Variants in FBXW12 observed in about 807,000 individuals in gnomAD.
The protein encoded by FBXW12 is F-box and WD repeat domain containing 12.
In FBXW12, 43 loss-of-function variants were observed where a neutral mutation model predicts 55.3. The observed-to-expected ratio is 0.78, with a 90% CI of 0.61 to 1.00. The LOEUF (loss-of-function observed/expected upper bound fraction) is 1.00, where lower values mean the gene tolerates loss of function less well. FBXW12 is among the 50% of genes least tolerant of loss of function. The probability of loss-of-function intolerance (pLI) is 0.00; values close to 1 mark genes in which losing one functional copy is unlikely to be tolerated. For missense variants in FBXW12, 524 were observed against 560.5 expected (o/e 0.93, Z 0.66); for synonymous variants, 184 against 203.8 (o/e 0.90, Z 0.83).
chr3:48,378,266 A>G, intron 5 of FBXW12, 51 bp from the exon 6 acceptor site: 1 of 1,362,574 alleles, frequency 7.3e-7, no homozygotes, highest in Non-Finnish European at 1.0e-6. Flanking sequence ...ATGAAAGCAC[A>G]GTAGGTGTAA....
intron 2 of FBXW12, among the ~76,000 whole-genome samples, chr3:48,373,067 G>A (rs1275490314): frequency 6.6e-6 from 1 of 152,156 alleles, no homozygotes; most frequent in East Asian, 1.9e-4. Flanking sequence ...CCCATTTCAA[G>A]CCCTAGGAAA....
intron 1 of FBXW12, 153 bp from the exon 2 acceptor site, chr3:48,372,531 C>A: frequency 9.7e-7 from 1 of 1,027,570 alleles, no homozygotes; most frequent in Non-Finnish European, 1.4e-6. Context: ...AAACAATGAA[C>A]AGCACTAACA....
At chr3:48,394,059 G>A (rs1442353223) in intron 10 of FBXW12, among the ~76,000 whole-genome samples, 1 of 151,982 alleles carries the variant, frequency 6.6e-6, no homozygotes, top group Non-Finnish European at 1.5e-5. Context: ...TTACAGGCGT[G>A]AGCCACCGTG....
At chr3:48,385,938 C>G (rs2036842106) in intron 10 of FBXW12, among the ~76,000 whole-genome samples, 1 of 152,144 alleles carries the variant, frequency 6.6e-6, no homozygotes. Context: ...GTATAATTTG[C>G]AAATATTTTC....
chr3:48,380,564 CCACTCAT>C, intron 7 of FBXW12, 131 bp from the exon 8 acceptor site: 1 of 648,942 alleles, frequency 1.5e-6, no homozygotes, highest in Non-Finnish European at 2.8e-6. Context: ...TAAGCAGTGA[CCACTCAT>C]CACTCCTGAG....
At chr3:48,393,890 T>C (rs2036967098) in intron 10 of FBXW12, among the ~76,000 whole-genome samples, 1 of 151,232 alleles carries the variant, frequency 6.6e-6, no homozygotes, top group East Asian at 2.0e-4. Context: ...GCAATTCTCC[T>C]GCCTCAGCCT....
intron 7 of FBXW12, chr3:48,379,818 T>C: frequency 4.8e-6 from 2 of 420,516 alleles, no homozygotes; most frequent in South Asian, 5.0e-5. Context: ...GAGACAGGTA[T>C]CAAGAAATAG....
Position 48,372,298 on chromosome 3 carries a change from C to T in FBXW12, c.-107C>T. 2 of 1,552,246 alleles carry T rather than the reference C, an allele frequency of 1.3e-6. No individual in the cohort carries two copies. Among genetic ancestry groups the T allele is most frequent in the Admixed American group, 2.0e-5 (1 of 51,006 alleles). ...TGCTGGCGCTGAGAGATGAGCCCCA[C>T]TCACCAGATTCAAGATCCCAAGGTA... On this transcript the variant is annotated 5_prime_UTR_variant, in exon 1 of 11. Transcript: ENST00000296438.
intron 5 of FBXW12, among the ~76,000 whole-genome samples, chr3:48,377,156 G>A (rs1466794344): frequency 6.6e-6 from 1 of 152,172 alleles, no homozygotes; most frequent in Middle Eastern, 3.2e-3. Flanking sequence ...AATCACTGGA[G>A]GCTGTGGGGC....
At chr3:48,372,450 C>A in intron 1 of FBXW12, 130 bp downstream of exon 1, 1 of 1,210,782 alleles carries the variant, frequency 8.3e-7, no homozygotes, top group Non-Finnish European at 1.2e-6. Flanking sequence ...CTGACAACTT[C>A]ATCTGCAACT....
rs748330832 is a variant in FBXW12 at position 48,380,824 on chromosome 3, G to A, written c.897G>A (p.Leu299=). The A allele has an allele frequency of 2.5e-6, 4 of 1,614,116 alleles. No individual in the cohort carries two copies. Among genetic ancestry groups the A allele is most frequent in the Admixed American group, 1.7e-5 (1 of 60,014 alleles). The stretch of plus-strand genomic sequence containing the variant: ...CAAAGGTGAAAAACAGGATAACACT[G>A]ATGTCCCAAAGTAGCACTGGAAAAA... ...WTPKVKNRIT[L]MSQSSTGKKT... Residue 299 remains leucine (L), a synonymous_variant, in exon 8 of 11, where the codon CTG becomes CTA. Coordinates refer to ENST00000296438, the MANE Select transcript of FBXW12 (RefSeq NM_207102.2).
chr3:48,392,053 G>T (rs1275296939), intron 10 of FBXW12, among the ~76,000 whole-genome samples: 1 of 152,096 alleles, frequency 6.6e-6, no homozygotes, highest in Non-Finnish European at 1.5e-5. Context: ...AAATGTGAGG[G>T]TTTATTTCTG....
At chr3:48,375,248 T>C in intron 4 of FBXW12, 106 bp from the exon 5 acceptor site, 1 of 755,312 alleles carries the variant, frequency 1.3e-6, no homozygotes, top group South Asian at 1.6e-5. Context: ...TCCATATTGT[T>C]ACCCAAACCT....
chr3:48,372,370 T>G, intron 1 of FBXW12, 50 bp downstream of exon 1: 3 of 1,540,532 alleles, frequency 1.9e-6, no homozygotes, highest in Non-Finnish European at 2.6e-6. Context: ...AGTTTGGAAC[T>G]TAAATAGAGT....
intron 4 of FBXW12, 48 bp downstream of exon 4, chr3:48,373,753 G>C (rs372002144): frequency 5.2e-6 from 8 of 1,533,988 alleles, no homozygotes; most frequent in Non-Finnish European, 7.2e-6. Context: ...TGTTTTCAGA[G>C]GTCCACTCTA....
At chr3:48,394,275 A>G (rs114027292) in intron 10 of FBXW12, among the ~76,000 whole-genome samples, 3,224 of 152,098 alleles carry the variant, frequency 0.021, 106 homozygotes, top group African/African-American at 0.07. Flanking sequence ...AAACAAACAA[A>G]AAAACAACCT....
chr3:48,393,923 C>T (rs563060845), intron 10 of FBXW12, among the ~76,000 whole-genome samples: 32 of 151,782 alleles, frequency 2.1e-4, no homozygotes, highest in Admixed American at 6.6e-4. Context: ...GGACTACAGG[C>T]GTGCACCACC....
In FBXW12 at chr3:48,382,743, A is replaced by G. The variant is rs148338873; in HGVS notation, c.1295+658A>G. On this transcript the variant is annotated intron_variant, in intron 10 of 10. Transcript: ENST00000296438. Reference sequence around the variant, plus strand: ...TTGCCCCTGGTTTGCTTGCCTTTAAATTGTTTTTCTTGAGATTTTACGTAG... The same window carrying G: ...TTGCCCCTGGTTTGCTTGCCTTTAAGTTGTTTTTCTTGAGATTTTACGTAG... Among the ~76,000 whole-genome samples the G allele has an allele frequency of 2.3e-3, 345 of 152,112 alleles. 3 individuals are homozygous for G. The highest frequency in any genetic ancestry group is 7.7e-3 in the African/African-American group (319 of 41,448).
chr3:48,373,633 C>T lies in FBXW12; in HGVS notation c.214C>T (p.Gln72Ter), dbSNP rs1560029287. The T allele has an allele frequency of 6.2e-7, 1 of 1,614,104 alleles. No homozygotes were observed. Among genetic ancestry groups the T allele is most frequent in the Non-Finnish European group, 8.5e-7 (1 of 1,180,014 alleles). ...THTWKQFFLHQRRKELRLALA... is the reference protein window; with the variant it reads ...THTWKQFFLH ...CACATGGAAGCAATTTTTCCTGCATCAAAGAAGGAAGGAGCTTCGGTTGGC... is the reference window on the plus strand; with the variant it reads ...CACATGGAAGCAATTTTTCCTGCATTAAAGAAGGAAGGAGCTTCGGTTGGC... Residue 72 changes from glutamine (Q) to a stop codon, truncating the protein, a stop_gained, in exon 4 of 11, where the codon CAA becomes TAA. Transcript: ENST00000296438. LOFTEE classifies it high-confidence loss of function.
Sources: gnomAD v4.1 joint callset for allele counts (sites outside exome capture counted in the v4.1 genomes callset) on GRCh38, gnomAD v4.1.1 for gene constraint, MANE v1.5 for transcripts, NCBI Gene and HGNC (gene_info 2026-07-23, HGNC 2026-07-21) for gene names.